The following DLG2 variants were observed in gnomAD, a reference collection of about 807,000 sequenced individuals.
DLG2 encodes disks large homolog 2.
Under a neutral mutation model 132.5 loss-of-function variants are expected in DLG2, and 45 were observed. That is an observed-to-expected ratio of 0.34 (90% CI 0.27 to 0.44). The LOEUF (loss-of-function observed/expected upper bound fraction) is 0.44. DLG2 is among the 20% of genes least tolerant of loss of function. The probability of loss-of-function intolerance (pLI) is 1.00; values close to 1 mark genes in which losing one functional copy is unlikely to be tolerated. For synonymous variants in DLG2, 424 were observed against 419.6 expected (o/e 1.01, Z -0.13); for missense variants, 1,045 against 1,196.9 (o/e 0.87, Z 1.87).
intron 3 of DLG2, among the ~76,000 whole-genome samples, chr11:85,411,195 C>T (rs1414686157): frequency 2.0e-5 from 3 of 151,690 alleles, no homozygotes; most frequent in East Asian, 1.9e-4. Flanking sequence ...ATGATCAAGG[C>T]AGTACCTTAT....
chr11:84,486,385 G>A (rs546280144), intron 7 of DLG2, among the ~76,000 whole-genome samples: 4 of 152,184 alleles, frequency 2.6e-5, no homozygotes, highest in African/African-American at 7.2e-5. Flanking sequence ...TTTCTCCTCT[G>A]ATTAAATTAT....
chr11:84,274,676 A>G (rs965286880), intron 7 of DLG2, among the ~76,000 whole-genome samples: 28 of 152,202 alleles, frequency 1.8e-4, no homozygotes, highest in African/African-American at 6.8e-4. Context: ...TTTTGAACTG[A>G]AGGAATGAAA....
At chr11:84,192,236 T>G (rs2096424556) in intron 8 of DLG2, among the ~76,000 whole-genome samples, 2 of 152,130 alleles carry the variant, frequency 1.3e-5, no homozygotes, top group Admixed American at 1.3e-4. Flanking sequence ...TATATGACAG[T>G]TTCCTTCTAG....
chr11:84,804,496 G>C (rs1276227616), intron 6 of DLG2, among the ~76,000 whole-genome samples: 1 of 152,136 alleles, frequency 6.6e-6, no homozygotes, highest in Non-Finnish European at 1.5e-5. Flanking sequence ...TACTCTAAAA[G>C]TTGGAAGGAA....
chr11:83,874,186 A>G (rs2064078321), intron 16 of DLG2, among the ~76,000 whole-genome samples: 1 of 146,888 alleles, frequency 6.8e-6, no homozygotes, highest in Non-Finnish European at 1.5e-5. Flanking sequence ...GAGAGAAAAA[A>G]GGACAAAAGA....
chr11:84,985,121 C>T (rs2056308000), intron 6 of DLG2, among the ~76,000 whole-genome samples: 1 of 152,168 alleles, frequency 6.6e-6, no homozygotes, highest in East Asian at 1.9e-4. Flanking sequence ...TACCCTGGAA[C>T]AAATTGACTT....
rs138064272 is a variant in DLG2, at chr11:85,422,637, C to T, written c.41-137272G>A. Among the ~76,000 whole-genome samples the T allele has an allele frequency of 5.7e-3, 859 of 151,998 alleles. 7 individuals carry two copies. The highest frequency in any genetic ancestry group is 0.02 in the African/African-American group (822 of 41,456). On this transcript the variant is annotated intron_variant, in intron 3 of 27. Coordinates refer to ENST00000376104, the MANE Select transcript of DLG2 (RefSeq NM_001142699.3). ...TCTGGAATAGTGGGGATTATAGACA[C>T]GTGCCACCACATCTGGCTGATTTTT... is the stretch of plus-strand genomic sequence containing the variant.
In DLG2 at chr11:85,466,019, C is replaced by G. The variant is rs2092776526; in HGVS notation, c.40+132638G>C. Among the ~76,000 whole-genome samples, 3 of 152,236 alleles carry G rather than the reference C, an allele frequency of 2.0e-5. No homozygotes were observed. The South Asian group carries it at 6.2e-4, about 32-fold the overall frequency. On this transcript the variant is annotated intron_variant, in intron 3 of 27. Coordinates refer to ENST00000376104, the MANE Select transcript of DLG2 (RefSeq NM_001142699.3). ...CATTCTAACTGGCGTGAGATGGTAT[C>G]TCATTGTGGTTTTGATTTGCATTTC...
At chr11:84,684,946 T>A (rs1251406726) in intron 6 of DLG2, among the ~76,000 whole-genome samples, 9 of 152,348 alleles carry the variant, frequency 5.9e-5, no homozygotes, top group African/African-American at 2.2e-4. Context: ...ACATATAAGA[T>A]TTTGACATTA....
At chr11:83,644,807 A>AAGAACTCCCTGGTTGT (rs1361459067) in intron 18 of DLG2, among the ~76,000 whole-genome samples, 1 of 152,124 alleles carries the variant, frequency 6.6e-6, no homozygotes. Flanking sequence ...TGAGAAAGTG[A>AAGAACTCCCTGGTTGT]AGAACTCCCT....
chr11:84,259,595 G>A (rs1005772621), intron 7 of DLG2, among the ~76,000 whole-genome samples: 1 of 152,138 alleles, frequency 6.6e-6, no homozygotes, highest in African/African-American at 2.4e-5. Context: ...AAGCAACTTT[G>A]GAGGAAGCTA....
intron 6 of DLG2, among the ~76,000 whole-genome samples, chr11:85,098,495 G>A (rs1195024570): frequency 6.6e-6 from 1 of 152,162 alleles, no homozygotes; most frequent in African/African-American, 2.4e-5. Flanking sequence ...AAAGATTTTA[G>A]ATATTAAGTT....
At chr11:84,986,416 A>T (rs1010322866) in intron 6 of DLG2, among the ~76,000 whole-genome samples, 35 of 152,134 alleles carry the variant, frequency 2.3e-4, no homozygotes, top group African/African-American at 8.5e-4. Flanking sequence ...GAAAGAGGGG[A>T]TCCTCTATGA....
At chr11:84,626,193 A>T (rs555203821) in intron 6 of DLG2, among the ~76,000 whole-genome samples, 1 of 152,362 alleles carries the variant, frequency 6.6e-6, no homozygotes, top group East Asian at 1.9e-4. Flanking sequence ...TCTTAAAAGA[A>T]CATATGTATA....
intron 6 of DLG2, among the ~76,000 whole-genome samples, chr11:84,935,048 T>C (rs1276068169): frequency 6.6e-6 from 1 of 152,180 alleles, no homozygotes; most frequent in Non-Finnish European, 1.5e-5. Context: ...AAATGGCACT[T>C]CATTTATCCA....
intron 6 of DLG2, among the ~76,000 whole-genome samples, chr11:85,072,805 A>AAATGC (rs1252529380): frequency 4.0e-5 from 6 of 151,886 alleles, no homozygotes; most frequent in Admixed American, 3.9e-4. Flanking sequence ...ACATATCGGT[A>AAATGC]AATGCCATCT....
intron 7 of DLG2, among the ~76,000 whole-genome samples, chr11:84,441,805 G>A (rs2099017950): frequency 6.6e-6 from 1 of 152,172 alleles, no homozygotes; most frequent in African/African-American, 2.4e-5. Context: ...TCAGGTGTAA[G>A]AAAGGGGTCC....
At chr11:84,881,942 T>C (rs1396453230) in intron 6 of DLG2, among the ~76,000 whole-genome samples, 1 of 152,128 alleles carries the variant, frequency 6.6e-6, no homozygotes, top group African/African-American at 2.4e-5. Context: ...CTACCTTTTA[T>C]TCTGTTTAAA....
At chr11:85,133,790 C>T (rs189609040) in intron 5 of DLG2, among the ~76,000 whole-genome samples, 155 of 152,294 alleles carry the variant, frequency 1.0e-3, no homozygotes, top group Non-Finnish European at 1.8e-3. Flanking sequence ...CTTTGTGTTG[C>T]CTTCTGCAGC....
Sources: allele counts gnomAD v4.1 joint callset (sites outside exome capture counted in the v4.1 genomes callset), GRCh38; gene constraint gnomAD v4.1.1; transcripts MANE v1.5; gene names NCBI Gene and HGNC (gene_info 2026-07-23, HGNC 2026-07-21).